The following CACNA1C variants were observed in gnomAD, a reference collection of about 807,000 sequenced individuals.
The protein encoded by CACNA1C is voltage-dependent L-type calcium channel subunit alpha-1C.
Under a neutral mutation model 229.0 loss-of-function variants are expected in CACNA1C, and 30 were observed. The observed-to-expected ratio is 0.13, with a 90% CI of 0.10 to 0.18. The LOEUF (loss-of-function observed/expected upper bound fraction) is 0.18. Among genes scored for constraint, CACNA1C ranks in the 10% least tolerant of loss-of-function variants. The pLI is 1.00. For missense variants in CACNA1C, 1,658 were observed against 2,845.0 expected, an observed-to-expected ratio of 0.58 and a Z score of 9.49; for synonymous variants, 1,114 against 1,132.5, an observed-to-expected ratio of 0.98 and a Z score of 0.33.
chr12:2,388,098 A>T (rs2098423537), intron 3 of CACNA1C, among the ~76,000 whole-genome samples: 1 of 152,248 alleles, frequency 6.6e-6, no homozygotes, highest in Non-Finnish European at 1.5e-5. Flanking sequence ...TGAAACTCAT[A>T]GAAGCAGAGA....
chr12:2,122,846 G>C (rs1001013309), intron 3 of CACNA1C, among the ~76,000 whole-genome samples: 1 of 152,166 alleles, frequency 6.6e-6, no homozygotes, highest in Non-Finnish European at 1.5e-5. Context: ...CCGGTGCAGC[G>C]ACCGCTGAGG....
At chr12:2,355,598 A>T (rs12310858) in intron 3 of CACNA1C, among the ~76,000 whole-genome samples, 9,437 of 152,232 alleles carry the variant, frequency 0.062, 532 homozygotes, top group African/African-American at 0.15. Flanking sequence ...GTCTACTAAG[A>T]CTGCCCTGGT....
Position 1,971,901 on chromosome 12 carries a change from A to T in CACNA1C, c.139+700A>T, listed in dbSNP as rs566012555. Among the ~76,000 whole-genome samples, 2 of 152,356 alleles carry T rather than the reference A, an allele frequency of 1.3e-5. No homozygotes were observed. Among genetic ancestry groups the T allele is most frequent in the African/African-American group, 4.8e-5 (2 of 41,584 alleles). On this transcript the variant is annotated intron_variant, in intron 1 of 46. Transcript: ENST00000682462. The surrounding 1 kb of genome is among the most constrained non-coding windows in gnomAD (Gnocchi z 4.2). The stretch of plus-strand genomic sequence containing the variant: ...TCCAAATCATGAATGATAGCTTGTA[A>T]TCGTCTAATGAGGACATGTGATAAT...
At chr12:2,567,392 CGA>C (rs1568467947) in intron 12 of CACNA1C, among the ~76,000 whole-genome samples, 175 bp from the exon 13 acceptor site, 3 of 152,184 alleles carry the variant, frequency 2.0e-5, no homozygotes, top group East Asian at 3.9e-4. Context: ...ATGATTGTGA[CGA>C]GAGAGCCCTT....
chr12:2,677,662 G>C lies in CACNA1C; in HGVS notation c.4957-71G>C. ...GCCCTGGAGGGACAGGTCTTGGCCC[G>C]AGGCTGTGGCTGGCTGGGGAGCTTG... On this transcript the variant is annotated intron_variant, in intron 40 of 46. Transcript: ENST00000399655. The surrounding 1 kb of genome is among the most constrained non-coding windows in gnomAD (Gnocchi z 7.4). 1 of 1,548,122 alleles carries C rather than the reference G, an allele frequency of 6.5e-7. No individual in the cohort carries two copies. Among genetic ancestry groups the C allele is most frequent in the Non-Finnish European group, 8.8e-7 (1 of 1,140,910 alleles).
intron 1 of CACNA1C, among the ~76,000 whole-genome samples, chr12:1,975,930 G>A (rs1282105515): frequency 6.6e-6 from 1 of 152,146 alleles, no homozygotes; most frequent in African/African-American, 2.4e-5. Flanking sequence ...GTGAAGAGAA[G>A]GGTTGTTTAC....
intron 1 of CACNA1C, among the ~76,000 whole-genome samples, chr12:2,081,001 A>G (rs1254285445): frequency 6.6e-6 from 1 of 152,224 alleles, no homozygotes. Flanking sequence ...TTTAAGAAAG[A>G]TATTGATTTT....
In CACNA1C at chr12:2,685,828, G is replaced by A. The variant is rs574292274; in HGVS notation, c.5666G>A (p.Arg1889His). The change falls in exon 44 of 47, where the codon CGC (arginine) becomes CAC (histidine). Residue 1889 changes from arginine (R) to histidine (H), a missense_variant. Physicochemically the swap from Arg to His is conservative, Grantham distance 29. Transcript: ENST00000399655. ...IRQSPKRGFL[R>H]SASLGRRASF... Reference sequence around the variant, plus strand: ...CAATCTCCGAAGAGGGGTTTCCTCCGCTCTGCCTCACTAGGTAAATGCACC... The same window carrying A: ...CAATCTCCGAAGAGGGGTTTCCTCCACTCTGCCTCACTAGGTAAATGCACC... 8.1e-6 allele frequency: 13 copies of A among 1,611,830 alleles called. No homozygotes were observed. In the East Asian group the frequency reaches 8.9e-5, roughly 11 times the overall value.
rs374863121 is a variant in CACNA1C at position 2,679,636 on chromosome 12, G to T, written c.5284G>T (p.Gly1762Cys). 1.9e-6 allele frequency: 3 copies of T among 1,613,750 alleles called. No homozygotes were observed. In the South Asian group the frequency reaches 3.3e-5, roughly 18 times the overall value. ...TFTPSSYSST[G>C]SNANINNANN... is the part of the protein sequence containing the mutation. ...CACCCCGAGCAGCTACTCGTCCACC[G>T]GCTCCAACGCCAACATCAACAACGC... Residue 1762 changes from glycine to cysteine, a missense_variant, in exon 42 of 47, where the codon GGC becomes TGC. Gly to Cys is a radical substitution (Grantham distance 159). Transcript: ENST00000399655. The surrounding 1 kb of genome is among the most constrained non-coding windows in gnomAD (Gnocchi z 5.5).
At chr12:2,100,684 G>A (rs939033940) in intron 1 of CACNA1C, among the ~76,000 whole-genome samples, 11 of 151,874 alleles carry the variant, frequency 7.2e-5, no homozygotes, top group African/African-American at 1.9e-4. Context: ...TTGAGCCCAG[G>A]GAGGTTGAGG....
intron 38 of CACNA1C, among the ~76,000 whole-genome samples, chr12:2,671,093 C>T (rs1272891384): frequency 6.6e-6 from 1 of 151,686 alleles, no homozygotes; most frequent in African/African-American, 2.4e-5. Context: ...CGGCCTGCTG[C>T]AACCTCTGAC....
chr12:2,270,567 C>T (rs1566796674), intron 3 of CACNA1C, among the ~76,000 whole-genome samples: 1 of 152,158 alleles, frequency 6.6e-6, no homozygotes, highest in Non-Finnish European at 1.5e-5. Context: ...CCACAGCACT[C>T]CAGACGTGGT....
In CACNA1C at chr12:2,639,899, G is replaced by C. The variant is rs1041900016; in HGVS notation, c.3912+5519G>C. Among the ~76,000 whole-genome samples, 3 of 152,164 alleles carry C rather than the reference G, an allele frequency of 2.0e-5. No individual in the cohort carries two copies. Among genetic ancestry groups the C allele is most frequent in the Non-Finnish European group, 4.4e-5 (3 of 68,028 alleles). ...AAAAGGAGCAGGAGAAAGACCTTCG[G>C]GGAGCAGAGCAGGCACAGGGAGGGG... On this transcript the variant is annotated intron_variant, in intron 30 of 46. Transcript: ENST00000399655. The surrounding 1 kb of genome is among the most constrained non-coding windows in gnomAD (Gnocchi z 4.2).
intron 3 of CACNA1C, among the ~76,000 whole-genome samples, chr12:2,408,082 A>G (rs1015182603): frequency 3.3e-5 from 5 of 152,230 alleles, no homozygotes; most frequent in African/African-American, 9.6e-5. Flanking sequence ...AATTTCCAAC[A>G]CACGCTACAA....
At chr12:2,033,111 G>A (rs915433744) in intron 1 of CACNA1C, among the ~76,000 whole-genome samples, 2 of 152,174 alleles carry the variant, frequency 1.3e-5, no homozygotes, top group African/African-American at 4.8e-5. Flanking sequence ...ACCCACCCTG[G>A]GGGAGTTCCG....
intron 3 of CACNA1C, among the ~76,000 whole-genome samples, chr12:2,236,665 A>C (rs981300072): frequency 1.7e-4 from 26 of 152,166 alleles, no homozygotes; most frequent in Non-Finnish European, 1.6e-4. Flanking sequence ...ACACCCCAGC[A>C]GTGTGCAAGG....
At chr12:2,625,377 C>T (rs548141582) in intron 29 of CACNA1C, among the ~76,000 whole-genome samples, 9 of 152,300 alleles carry the variant, frequency 5.9e-5, no homozygotes, top group East Asian at 1.9e-4. Context: ...TGGAACACAC[C>T]GGTCTGGTAG....
At chr12:2,208,042 G>A (rs2154334167) in intron 3 of CACNA1C, among the ~76,000 whole-genome samples, 1 of 152,286 alleles carries the variant, frequency 6.6e-6, no homozygotes, top group South Asian at 2.1e-4. Context: ...CAAATTAGTG[G>A]ACCTTTGAGG....
intron 3 of CACNA1C, among the ~76,000 whole-genome samples, chr12:2,360,444 C>G (rs1236095184): frequency 6.6e-6 from 1 of 152,136 alleles, no homozygotes; most frequent in Admixed American, 6.5e-5. Flanking sequence ...CTCTGAAGAA[C>G]CCCTGCGTCT....
Sources: gnomAD v4.1 joint callset for allele counts (sites outside exome capture counted in the v4.1 genomes callset) on GRCh38, gnomAD v4.1.1 for gene constraint, Gnocchi (gnomAD v3.1) non-coding constraint, MANE v1.5 for transcripts, NCBI Gene and HGNC (gene_info 2026-07-23, HGNC 2026-07-21) for gene names.